The following PDS5B variants were observed in gnomAD, a reference collection of about 807,000 sequenced individuals.
PDS5B encodes the protein sister chromatid cohesion protein PDS5 homolog B.
PDS5B carries 51 observed loss-of-function variants against 184.1 expected under a neutral mutation model. The observed-to-expected ratio is 0.28, with a 90% CI of 0.22 to 0.35. The LOEUF is 0.35. Ranked by LOEUF, PDS5B falls within the 10% of genes least tolerant of loss-of-function variation. The pLI is 1.00. For missense variants in PDS5B, 1,180 were observed against 1,723.3 expected, an observed-to-expected ratio of 0.68 and a Z score of 5.58; for synonymous variants, 566 against 569.2, an observed-to-expected ratio of 0.99 and a Z score of 0.08.
chr13:32,703,899 C>T (rs1333541633), intron 17 of PDS5B, among the ~76,000 whole-genome samples: 1 of 151,934 alleles, frequency 6.6e-6, no homozygotes, highest in Non-Finnish European at 1.5e-5. Context: ...AATTTTATCC[C>T]TTTGGAGAAT....
At chr13:32,605,701 T>C (rs1243567960) in intron 1 of PDS5B, among the ~76,000 whole-genome samples, 1 of 152,140 alleles carries the variant, frequency 6.6e-6, no homozygotes, top group Non-Finnish European at 1.5e-5. Flanking sequence ...TGTGTGGGAG[T>C]CTAAGTCTCT....
intron 1 of PDS5B, among the ~76,000 whole-genome samples, chr13:32,643,641 A>G (rs777561854): frequency 5.6e-4 from 85 of 152,014 alleles, no homozygotes; most frequent in Non-Finnish European, 1.0e-3. Context: ...ATACATTTAG[A>G]TACACAGATA....
intron 8 of PDS5B, among the ~76,000 whole-genome samples, chr13:32,674,078 G>A (rs993898286): frequency 1.3e-5 from 2 of 152,104 alleles, no homozygotes; most frequent in African/African-American, 4.8e-5. Context: ...GCCTCCCAAT[G>A]TTGACATTAC....
chr13:32,755,906 C>A lies in PDS5B; in HGVS notation c.3006C>A (p.Asp1002Glu). The stretch of plus-strand genomic sequence containing the variant: ...ATACAATTCACCTTTTGGCACATGA[C>A]CCAGATTATGTCAAAGTACAGGATA... The part of the protein sequence containing the change: ...VPYTIHLLAH[D>E]PDYVKVQDIE... Residue 1002 changes from aspartate to glutamate, a missense_variant, in exon 26 of 35, where the codon GAC becomes GAA. Asp to Glu is a conservative substitution (Grantham distance 45). Around this residue, in one of 11 missense-constraint regions of PDS5B, gnomAD observed 57 missense variants for 80.9 expected, o/e 0.70. Coordinates refer to ENST00000315596, the MANE Select transcript of PDS5B (RefSeq NM_015032.4). 1.3e-6 allele frequency: 2 copies of A among 1,586,170 alleles called. No homozygotes were observed. The highest frequency in any genetic ancestry group is 1.7e-6 in the Non-Finnish European group (2 of 1,159,456).
chr13:32,731,104 G>T (rs1373148440), intron 19 of PDS5B, among the ~76,000 whole-genome samples: 2 of 152,012 alleles, frequency 1.3e-5, no homozygotes, highest in African/African-American at 4.8e-5. Context: ...TGTCTTGCCT[G>T]TTTTTCTGTG....
At chr13:32,738,750 C>T (rs1953432277) in intron 21 of PDS5B, among the ~76,000 whole-genome samples, 1 of 152,110 alleles carries the variant, frequency 6.6e-6, no homozygotes. Context: ...CGGCTCCCTG[C>T]AACCTCCACT....
In PDS5B at chr13:32,735,302, T is replaced by C; in HGVS notation, c.2378T>C (p.Ile793Thr). 1 of 1,611,728 alleles carries C rather than the reference T, an allele frequency of 6.2e-7. No individual in the cohort carries two copies. Among genetic ancestry groups the C allele is most frequent in the Non-Finnish European group, 8.5e-7 (1 of 1,178,474 alleles). Reference sequence around the variant, plus strand: ...TTGAAATCTTTGGTAGCTACTTTCATTGTGAAAGATCTTCTCATGAATGAT... The same window carrying C: ...TTGAAATCTTTGGTAGCTACTTTCACTGTGAAAGATCTTCTCATGAATGAT... ...APLKSLVATFIVKDLLMNDRL... is the reference protein window; with the variant it reads ...APLKSLVATFTVKDLLMNDRL... Residue 793 changes from isoleucine (I) to threonine (T), a missense_variant, in exon 21 of 35, where the codon ATT becomes ACT. Coordinates refer to ENST00000315596, the MANE Select transcript of PDS5B (RefSeq NM_015032.4).
chr13:32,591,713 A>G (rs1395036794), intron 1 of PDS5B, among the ~76,000 whole-genome samples: 1 of 152,184 alleles, frequency 6.6e-6, no homozygotes. Flanking sequence ...TTGTGAGTGA[A>G]GGTAAACATT....
At chr13:32,679,498 T>G (rs1444369255) in intron 10 of PDS5B, among the ~76,000 whole-genome samples, 1 of 152,056 alleles carries the variant, frequency 6.6e-6, no homozygotes, top group Non-Finnish European at 1.5e-5. Context: ...TAGCTGGGTG[T>G]GATGGCATGC....
At chr13:32,654,982 C>T (rs913053430) in intron 3 of PDS5B, among the ~76,000 whole-genome samples, 8 of 152,126 alleles carry the variant, frequency 5.3e-5, no homozygotes, top group African/African-American at 1.4e-4. Flanking sequence ...AGTGCTGCTA[C>T]GAACATATGC....
chr13:32,706,149 G>A (rs957528570), intron 17 of PDS5B, among the ~76,000 whole-genome samples: 6 of 151,948 alleles, frequency 3.9e-5, no homozygotes, highest in East Asian at 1.9e-4. Context: ...TTGTTGGCGC[G>A]CACCTGTAAT....
intron 1 of PDS5B, among the ~76,000 whole-genome samples, chr13:32,611,550 C>T (rs2058143191): frequency 6.8e-6 from 1 of 147,736 alleles, no homozygotes; most frequent in Non-Finnish European, 1.5e-5. Context: ...TTCTGTTGCC[C>T]AGACTGGAGT....
chr13:32,663,364 A>G (rs1950701646), intron 6 of PDS5B, among the ~76,000 whole-genome samples: 1 of 152,126 alleles, frequency 6.6e-6, no homozygotes, highest in African/African-American at 2.4e-5. Context: ...TCCCAATATA[A>G]AATAGTAATT....
chr13:32,665,441 T>C (rs1265370814), intron 6 of PDS5B, among the ~76,000 whole-genome samples: 1 of 151,434 alleles, frequency 6.6e-6, no homozygotes. Flanking sequence ...TACAAAAAAT[T>C]AGCTGGGCGT....
At chr13:32,757,086 A>G (rs1954208004) in intron 26 of PDS5B, among the ~76,000 whole-genome samples, 1 of 151,960 alleles carries the variant, frequency 6.6e-6, no homozygotes, top group Non-Finnish European at 1.5e-5. Flanking sequence ...AGATCACACC[A>G]CTGCACTCCA....
At chr13:32,587,947 A>G (rs1162663266) in intron 1 of PDS5B, among the ~76,000 whole-genome samples, 1 of 152,226 alleles carries the variant, frequency 6.6e-6, no homozygotes, top group African/African-American at 2.4e-5. Context: ...GTGTTTACAT[A>G]CAGGAGGCGA....
intron 2 of PDS5B, chr13:32,650,137 TATTAA>T (rs989219310): frequency 6.6e-6 from 1 of 152,164 alleles, no homozygotes; most frequent in Non-Finnish European, 1.5e-5. Context: ...ACTCATGAGT[TATTAA>T]TGAGTTTTAT....
At chr13:32,666,083 T>TA (rs1378915481) in intron 6 of PDS5B, among the ~76,000 whole-genome samples, 1 of 152,114 alleles carries the variant, frequency 6.6e-6, no homozygotes. Context: ...AGTATTTGTT[T>TA]GTTTGTTTGT....
intron 25 of PDS5B, among the ~76,000 whole-genome samples, 199 bp from the exon 26 acceptor site, chr13:32,755,641 CTG>C (rs575038666): frequency 1.2e-4 from 18 of 152,144 alleles, no homozygotes; most frequent in East Asian, 3.9e-4. Context: ...AATGAATAGA[CTG>C]TTTATCATGT....
Sources: gnomAD v4.1 joint callset for allele counts (sites outside exome capture counted in the v4.1 genomes callset) on GRCh38, gnomAD v4.1.1 for gene constraint, gnomAD v4.1.1 regional missense constraint, MANE v1.5 for transcripts, NCBI Gene and HGNC (gene_info 2026-07-23, HGNC 2026-07-21) for gene names.